Variants in DRC8 observed in about 807,000 individuals in gnomAD.
DRC8 encodes the protein dynein regulatory complex subunit 8.
the DRC8 span, among the ~76,000 whole-genome samples, chr1:245,107,919 G>A: frequency 5.9e-5 from 9 of 152,092 alleles, no homozygotes; most frequent in African/African-American, 1.4e-4. Flanking sequence ...CAGAAGCTCC[G>A]CGTCCTCCTG....
the DRC8 span, among the ~76,000 whole-genome samples, chr1:245,043,711 A>G: frequency 6.6e-6 from 1 of 152,172 alleles, no homozygotes; most frequent in African/African-American, 2.4e-5. Flanking sequence ...GAGGAGATGA[A>G]CCCGTGCAGG....
At chr1:244,979,685 G>A in the DRC8 span, among the ~76,000 whole-genome samples, 12 of 151,626 alleles carry the variant, frequency 7.9e-5, no homozygotes, top group East Asian at 3.9e-4. Flanking sequence ...CATGTGATCC[G>A]CCCACCTTGG....
chr1:245,082,346 C>A, the DRC8 span, among the ~76,000 whole-genome samples: 1 of 152,192 alleles, frequency 6.6e-6, no homozygotes, highest in East Asian at 1.9e-4. Flanking sequence ...AAATATCAAC[C>A]ACACTAGTGT....
At chr1:245,082,115 A>T in the DRC8 span, 3 of 1,612,980 alleles carry the variant, frequency 1.9e-6, no homozygotes, top group Non-Finnish European at 2.5e-6. Flanking sequence ...GATACATTCG[A>T]TTCGAAAAAT....
chr1:245,073,470 G>T, the DRC8 span, among the ~76,000 whole-genome samples: 4 of 152,052 alleles, frequency 2.6e-5, no homozygotes, highest in South Asian at 8.3e-4. Flanking sequence ...TACCACTCTC[G>T]TGGGGATGCT....
chr1:245,098,525 C>G, the DRC8 span, among the ~76,000 whole-genome samples: 1 of 152,236 alleles, frequency 6.6e-6, no homozygotes, highest in Non-Finnish European at 1.5e-5. Context: ...GTCCCCCATC[C>G]TGTGTCCCCA....
At chr1:245,109,053 G>C in the DRC8 span, among the ~76,000 whole-genome samples, 1 of 152,192 alleles carries the variant, frequency 6.6e-6, no homozygotes, top group African/African-American at 2.4e-5. Context: ...GGCCAGTAAA[G>C]GGTGTGTTGT....
the DRC8 span, chr1:245,017,356 T>A: frequency 1.3e-6 from 2 of 1,565,916 alleles, no homozygotes; most frequent in Admixed American, 2.0e-5. Context: ...TTTGTTACAC[T>A]TTTAAATTAC....
chr1:245,083,539 A>G, the DRC8 span: 2 of 1,580,912 alleles, frequency 1.3e-6, no homozygotes, highest in Admixed American at 1.8e-5. Context: ...ATTTATTTAC[A>G]TACACACATA....
the DRC8 span, among the ~76,000 whole-genome samples, chr1:245,073,020 T>G: frequency 1.1e-4 from 16 of 152,208 alleles, no homozygotes; most frequent in Non-Finnish European, 2.4e-4. Flanking sequence ...CTTTATAAAT[T>G]ACCCAGTCTC....
chr1:245,036,314 C>G, the DRC8 span, among the ~76,000 whole-genome samples: 3 of 152,110 alleles, frequency 2.0e-5, no homozygotes, highest in Non-Finnish European at 4.4e-5. Flanking sequence ...AAATGCAAAT[C>G]AAAACCATAG....
the DRC8 span, among the ~76,000 whole-genome samples, chr1:244,996,590 C>G: frequency 6.6e-6 from 1 of 152,132 alleles, no homozygotes; most frequent in East Asian, 1.9e-4. Context: ...TTGGCATTTA[C>G]AATCCAGAAA....
the DRC8 span, among the ~76,000 whole-genome samples, chr1:245,049,760 C>T: frequency 3.9e-5 from 6 of 152,140 alleles, no homozygotes; most frequent in Non-Finnish European, 8.8e-5. The surrounding 1 kb of genome is among the most constrained non-coding windows in gnomAD (Gnocchi z 4.5). Flanking sequence ...AGAAGTTCTC[C>T]TTTAAGTCCA....
chr1:245,027,224 C>G, the DRC8 span, among the ~76,000 whole-genome samples: 1 of 151,832 alleles, frequency 6.6e-6, no homozygotes, highest in Non-Finnish European at 1.5e-5. Flanking sequence ...TTTTTAAAGT[C>G]ATTCCAAATT....
At chr1:245,016,920 G>A in the DRC8 span, among the ~76,000 whole-genome samples, 3 of 152,312 alleles carry the variant, frequency 2.0e-5, no homozygotes, top group East Asian at 3.9e-4. Flanking sequence ...TAGAGAGGCC[G>A]CTGCTGGAAA....
At chr1:244,979,138 A>T in the DRC8 span, among the ~76,000 whole-genome samples, 1 of 151,686 alleles carries the variant, frequency 6.6e-6, no homozygotes, top group African/African-American at 2.4e-5. Flanking sequence ...AATTGCCTGT[A>T]GATGTGTTGT....
the DRC8 span, among the ~76,000 whole-genome samples, chr1:245,036,200 A>G: frequency 6.6e-6 from 1 of 152,212 alleles, no homozygotes; most frequent in Non-Finnish European, 1.5e-5. Context: ...AGACAACCCA[A>G]TTAAAATGTG....
the DRC8 span, among the ~76,000 whole-genome samples, chr1:245,001,691 C>T: frequency 6.6e-6 from 1 of 152,188 alleles, no homozygotes; most frequent in South Asian, 2.1e-4. Context: ...ATTGTGCCCA[C>T]CACTTTAGCA....
chr1:244,978,788 C>T, the DRC8 span, among the ~76,000 whole-genome samples: 1 of 152,242 alleles, frequency 6.6e-6, no homozygotes, highest in East Asian at 1.9e-4. Flanking sequence ...CCACCTCTGG[C>T]CCATAATTTT....
Sources: allele counts gnomAD v4.1 joint callset (sites outside exome capture counted in the v4.1 genomes callset), GRCh38; gene constraint gnomAD v4.1.1; non-coding constraint Gnocchi (gnomAD v3.1); transcripts MANE v1.5; gene names NCBI Gene and HGNC (gene_info 2026-07-23, HGNC 2026-07-21).